The following AADAT variants were observed in gnomAD, a reference collection of about 807,000 sequenced individuals.
The protein encoded by AADAT is kynurenine/alpha-aminoadipate aminotransferase, mitochondrial.
In AADAT, 25 loss-of-function variants were observed where a neutral mutation model predicts 56.2. That is an observed-to-expected ratio of 0.44 (90% confidence interval 0.32 to 0.62). The LOEUF is 0.62. Among genes scored for constraint, AADAT ranks in the 20% least tolerant of loss-of-function variants. The pLI is 0.04. For synonymous variants in AADAT, 173 were observed against 164.7 expected (o/e 1.05, Z -0.39); for missense variants, 387 against 510.5 (o/e 0.76, Z 2.33).
chr4:170,079,033 A>C (rs1385892152), intron 3 of AADAT, among the ~76,000 whole-genome samples: 6 of 152,172 alleles, frequency 3.9e-5, no homozygotes, highest in African/African-American at 4.8e-5. Context: ...AAAATAGCAA[A>C]ATGACATGGT....
intron 10 of AADAT, among the ~76,000 whole-genome samples, chr4:170,065,388 T>C (rs964010814): frequency 6.6e-6 from 1 of 152,212 alleles, no homozygotes; most frequent in Non-Finnish European, 1.5e-5. Context: ...ACAAGCATAA[T>C]GATCTTTGAT....
chr4:170,072,286 T>C (rs1425828046), intron 5 of AADAT, among the ~76,000 whole-genome samples: 3 of 146,230 alleles, frequency 2.1e-5, no homozygotes, highest in Non-Finnish European at 4.4e-5. Flanking sequence ...TGTGTGTATA[T>C]ATATGTGTGT....
chr4:170,081,096 G>C (rs990193062), intron 3 of AADAT, among the ~76,000 whole-genome samples: 2 of 152,114 alleles, frequency 1.3e-5, no homozygotes, highest in Non-Finnish European at 2.9e-5. Flanking sequence ...ATTTAACAAA[G>C]AGATTGAAAT....
chr4:170,078,188 T>G (rs1306313476), intron 4 of AADAT, among the ~76,000 whole-genome samples: 1 of 152,158 alleles, frequency 6.6e-6, no homozygotes, highest in Non-Finnish European at 1.5e-5. Context: ...AAAAATAAAT[T>G]TTTGTAATTT....
In AADAT at chr4:170,089,757, C is replaced by A; in HGVS notation, c.-67G>T. ...GAGGACTAGAAAAACCAAAGAGCCTCGTCAAGTCCTGCCTGCTAACTCCTC... is the reference window on the plus strand; with the variant it reads ...GAGGACTAGAAAAACCAAAGAGCCTAGTCAAGTCCTGCCTGCTAACTCCTC... On this transcript the variant is annotated 5_prime_UTR_variant, in exon 1 of 13. Transcript: ENST00000337664. 1 of 1,534,402 alleles carries A rather than the reference C, an allele frequency of 6.5e-7. No homozygotes were observed. The highest frequency in any genetic ancestry group is 9.0e-7 in the Non-Finnish European group (1 of 1,112,258).
intron 3 of AADAT, 127 bp from the exon 4 acceptor site, chr4:170,078,710 G>A (rs1432006758): frequency 2.0e-6 from 1 of 498,286 alleles, no homozygotes; most frequent in South Asian, 4.1e-5. Context: ...TGTTTATAAG[G>A]GGCCAAACAG....
At chr4:170,079,748 C>A (rs1732200143) in intron 3 of AADAT, among the ~76,000 whole-genome samples, 1 of 152,050 alleles carries the variant, frequency 6.6e-6, no homozygotes, top group Non-Finnish European at 1.5e-5. Flanking sequence ...AAACACATAA[C>A]CAAAAAGCCA....
At chr4:170,074,550 G>A (rs1359710122) in intron 4 of AADAT, among the ~76,000 whole-genome samples, 2 of 152,100 alleles carry the variant, frequency 1.3e-5, no homozygotes, top group African/African-American at 2.4e-5. Flanking sequence ...ACAGTCACAA[G>A]CAGAGGTGAT....
intron 6 of AADAT, among the ~76,000 whole-genome samples, chr4:170,069,802 G>A (rs989802037): frequency 1.3e-5 from 2 of 152,120 alleles, no homozygotes; most frequent in Non-Finnish European, 2.9e-5. Context: ...TGATGTTTTA[G>A]GAAACCCTGT....
chr4:170,083,176 A>G (rs1342103417), intron 3 of AADAT, among the ~76,000 whole-genome samples: 1 of 152,020 alleles, frequency 6.6e-6, no homozygotes, highest in Non-Finnish European at 1.5e-5. Context: ...AAAAAACCCA[A>G]ATCTTATCAA....
intron 3 of AADAT, among the ~76,000 whole-genome samples, chr4:170,083,074 A>G (rs1732391309): frequency 6.6e-6 from 1 of 151,130 alleles, no homozygotes; most frequent in Non-Finnish European, 1.5e-5. Flanking sequence ...TATTCAACCA[A>G]CTGCTGCAGC....
chr4:170,063,909 A>G (rs1195974777), intron 11 of AADAT, among the ~76,000 whole-genome samples: 1 of 152,172 alleles, frequency 6.6e-6, no homozygotes, highest in Non-Finnish European at 1.5e-5. Flanking sequence ...AGCTTACTTG[A>G]TGCCTCCAAT....
intron 3 of AADAT, among the ~76,000 whole-genome samples, chr4:170,079,201 A>G (rs1307261103): frequency 1.3e-5 from 2 of 152,226 alleles, no homozygotes; most frequent in Non-Finnish European, 2.9e-5. Context: ...CATTCAGGGA[A>G]TTCAGGGAAG....
In AADAT at chr4:170,088,539, T is replaced by C. The variant is rs376144659; in HGVS notation, c.93A>G (p.Lys31=). 9 of 1,612,596 alleles carry C rather than the reference T, an allele frequency of 5.6e-6. No homozygotes were observed. The highest frequency in any genetic ancestry group is 6.8e-6 in the Non-Finnish European group (8 of 1,178,792). The change falls in exon 2 of 13, where the codon AAA becomes AAG. Residue 31 remains lysine (K), a synonymous_variant. Transcript: ENST00000337664. ...AGCCACCAGCCAAGGAGATCATCGATTTTGGTCCTCTGCTCAATATGTCAG... is the reference window on the plus strand; with the variant it reads ...AGCCACCAGCCAAGGAGATCATCGACTTTGGTCCTCTGCTCAATATGTCAG... ...TMTDILSRGP[K]SMISLAGGLP...
At chr4:170,083,397 G>T (rs115465502) in intron 3 of AADAT, among the ~76,000 whole-genome samples, 83 of 152,212 alleles carry the variant, frequency 5.5e-4, no homozygotes, top group African/African-American at 1.9e-3. Flanking sequence ...TAAGAGGAAA[G>T]TTTATAGCAA....
intron 3 of AADAT, among the ~76,000 whole-genome samples, chr4:170,085,266 G>A (rs1159512165): frequency 6.6e-6 from 1 of 152,164 alleles, no homozygotes; most frequent in African/African-American, 2.4e-5. Flanking sequence ...CAACTGCATG[G>A]AGTCATTGCC....
intron 7 of AADAT, among the ~76,000 whole-genome samples, 199 bp downstream of exon 7, chr4:170,068,947 TAA>T (rs1731620505): frequency 6.6e-6 from 1 of 152,106 alleles, no homozygotes. Context: ...CAACTTTAGA[TAA>T]ACAGCCAAGA....
At chr4:170,073,644 T>C (rs971402954) in intron 4 of AADAT, among the ~76,000 whole-genome samples, 3 of 151,780 alleles carry the variant, frequency 2.0e-5, no homozygotes, top group South Asian at 2.1e-4. Flanking sequence ...GGACTACAGG[T>C]GCACGCCACC....
chr4:170,070,792 A>G, intron 5 of AADAT, 140 bp from the exon 6 acceptor site: 1 of 596,384 alleles, frequency 1.7e-6, no homozygotes, highest in Non-Finnish European at 2.8e-6. Context: ...GACAACGAGG[A>G]TAAAAAGAGG....
Sources: gnomAD v4.1 joint callset for allele counts (sites outside exome capture counted in the v4.1 genomes callset) on GRCh38, gnomAD v4.1.1 for gene constraint, MANE v1.5 for transcripts, NCBI Gene and HGNC (gene_info 2026-07-23, HGNC 2026-07-21) for gene names.